MET: variants seen among roughly 807,000 people sequenced by gnomAD.
The protein encoded by MET is hepatocyte growth factor receptor.
MET carries 48 observed loss-of-function variants against 133.1 expected under a neutral mutation model. The observed-to-expected ratio is 0.36, with a 90% CI of 0.29 to 0.46. The LOEUF (loss-of-function observed/expected upper bound fraction) is 0.46. Ranked by LOEUF, MET falls within the 20% of genes least tolerant of loss-of-function variation. The pLI is 1.00. For missense variants in MET, 1,442 were observed against 1,695.9 expected (o/e 0.85, Z 2.63); for synonymous variants, 628 against 616.5 (o/e 1.02, Z -0.28).
chr7:116,727,016 T>C (rs1235967434), intron 2 of MET, among the ~76,000 whole-genome samples: 1 of 152,202 alleles, frequency 6.6e-6, no homozygotes, highest in Admixed American at 6.5e-5. Flanking sequence ...TGGTGATGAC[T>C]GAAATTTCAG....
At chr7:116,760,970 T>G (rs962462996) in intron 10 of MET, among the ~76,000 whole-genome samples, 1 of 152,172 alleles carries the variant, frequency 6.6e-6, no homozygotes, top group Non-Finnish European at 1.5e-5. Context: ...AGAATAATAG[T>G]GACCCTCTTT....
chr7:116,785,163 G>A (rs1286056026), intron 19 of MET, among the ~76,000 whole-genome samples: 4 of 152,220 alleles, frequency 2.6e-5, no homozygotes, highest in African/African-American at 9.6e-5. Flanking sequence ...CTGCTCCTGT[G>A]GCTCTACAGG....
chr7:116,755,539 T>A lies in MET; in HGVS notation c.1862+24T>A, dbSNP rs758246482. 3.1e-5 allele frequency: 50 copies of A among 1,613,740 alleles called. No homozygotes were observed. Among genetic ancestry groups the A allele is most frequent in the Non-Finnish European group, 4.1e-5 (48 of 1,179,860 alleles). ...ACGTAAGGATCTTAAAATGCTTTGC[T>A]GGGGTGTGCTTGGAAAATAGGTTTT... On this transcript the variant is annotated intron_variant, in intron 6 of 20. Coordinates refer to ENST00000397752, the MANE Select transcript of MET (RefSeq NM_000245.4).
intron 1 of MET, among the ~76,000 whole-genome samples, chr7:116,679,926 G>T (rs558318149): frequency 7.2e-5 from 11 of 152,304 alleles, no homozygotes; most frequent in African/African-American, 2.4e-4. Flanking sequence ...AAACTATCAT[G>T]CTAAAATATA....
At chr7:116,716,833 A>T (rs1792259056) in intron 2 of MET, among the ~76,000 whole-genome samples, 1 of 152,234 alleles carries the variant, frequency 6.6e-6, no homozygotes, top group Non-Finnish European at 1.5e-5. Flanking sequence ...ACCAGTGCTC[A>T]GCCCGTGGCT....
chr7:116,740,993 A>G lies in MET; in HGVS notation c.1669A>G (p.Thr557Ala), dbSNP rs374733251. 232 of 1,612,942 alleles carry G rather than the reference A, an allele frequency of 1.4e-4. 1 individual carries two copies. Among genetic ancestry groups the G allele is most frequent in the Non-Finnish European group, 1.9e-4 (221 of 1,179,920 alleles). Residue 557 changes from threonine (T) to alanine (A), a missense_variant, in exon 5 of 21, where the codon ACT becomes GCT. Physicochemically the swap from Thr to Ala is moderately conservative, Grantham distance 58 (BLOSUM62 0). Around this residue, in one of 6 missense-constraint regions of MET, gnomAD observed 762 missense variants for 792.4 expected, o/e 0.96. Transcript: ENST00000397752. ...GGAGGAATGCCTGAGCGGGACATGG[A>G]CTCAACAGATCTGTCTGCCTGCAAT... ...RSEECLSGTWTQQICLPAIYK... is the reference protein window; with the variant it reads ...RSEECLSGTWAQQICLPAIYK...
At chr7:116,766,149 A>C (rs1794620318) in intron 11 of MET, among the ~76,000 whole-genome samples, 1 of 152,168 alleles carries the variant, frequency 6.6e-6, no homozygotes, top group African/African-American at 2.4e-5. Flanking sequence ...TGAGTGTCTT[A>C]TTTCTGACTT....
In MET at chr7:116,699,918, A is replaced by G; in HGVS notation, c.834A>G (p.Ile278Met). ...TLDAQTFHTR[I>M]IRFCSINSGL... is the part of the protein sequence containing the mutation. ...ATGCTCAGACTTTTCACACAAGAATAATCAGGTTCTGTTCCATAAACTCTG... is the reference window on the plus strand; with the variant it reads ...ATGCTCAGACTTTTCACACAAGAATGATCAGGTTCTGTTCCATAAACTCTG... The change falls in exon 2 of 21, where the codon ATA becomes ATG. Residue 278 changes from isoleucine to methionine, a missense_variant. Transcript: ENST00000397752. 1 of 1,614,136 alleles carries G rather than the reference A, an allele frequency of 6.2e-7. No individual in the cohort carries two copies. The highest frequency in any genetic ancestry group is 8.5e-7 in the Non-Finnish European group (1 of 1,179,982).
intron 1 of MET, among the ~76,000 whole-genome samples, chr7:116,679,380 C>G (rs1389753853): frequency 6.6e-6 from 1 of 152,160 alleles, no homozygotes; most frequent in African/African-American, 2.4e-5. Flanking sequence ...TATTGAAATT[C>G]ATTTTGCACC....
intron 5 of MET, among the ~76,000 whole-genome samples, chr7:116,749,482 A>G (rs1172437377): frequency 6.6e-6 from 1 of 152,240 alleles, no homozygotes; most frequent in East Asian, 1.9e-4. Flanking sequence ...GCTATTTATG[A>G]TAAACCCACA....
At chr7:116,741,656 C>T (rs565227835) in intron 5 of MET, among the ~76,000 whole-genome samples, 1 of 152,246 alleles carries the variant, frequency 6.6e-6, no homozygotes, top group South Asian at 2.1e-4. Context: ...AGGGTCAACA[C>T]CCATGGGTGG....
chr7:116,700,233 G>A lies in MET; in HGVS notation c.1149G>A (p.Val383=), dbSNP rs1033586067. 6.2e-7 allele frequency: 1 copy of A among 1,601,460 alleles called. No individual in the cohort carries two copies. The highest frequency in any genetic ancestry group is 1.1e-5 in the South Asian group (1 of 87,802). ...FFNKIVNKNN[V]RCLQHFYGPN... is the part of the protein sequence containing the mutation. ...ACAAGATCGTCAACAAAAACAATGT[G>A]AGATGTCTCCAGCATTTTTACGGAC... The change falls in exon 2 of 21, where the codon GTG becomes GTA. Residue 383 remains valine, a synonymous_variant. Transcript: ENST00000397752.
intron 12 of MET, chr7:116,770,008 C>A: frequency 1.6e-6 from 1 of 631,332 alleles, no homozygotes; most frequent in Non-Finnish European, 2.8e-6. Context: ...TTCTTTCTAC[C>A]CACACTGCTT....
intron 6 of MET, among the ~76,000 whole-genome samples, chr7:116,756,726 G>A (rs955670792): frequency 2.6e-5 from 4 of 152,146 alleles, no homozygotes; most frequent in African/African-American, 7.2e-5. Context: ...CCACAGAAAT[G>A]TACCTGTTGA....
intron 17 of MET, among the ~76,000 whole-genome samples, 173 bp downstream of exon 17, chr7:116,779,130 C>T (rs1795079986): frequency 6.6e-6 from 1 of 152,182 alleles, no homozygotes; most frequent in Middle Eastern, 3.2e-3. Context: ...AATAGTGACA[C>T]CTGGAAGGGT....
rs1404157832 is a variant in MET at position 116,755,377 on chromosome 7, T to C, written c.1724T>C (p.Leu575Pro). The change falls in exon 6 of 21, where the codon CTT becomes CCT. Residue 575 changes from leucine (L) to proline (P), a missense_variant. Around this residue, in one of 6 missense-constraint regions of MET, gnomAD observed 762 missense variants for 792.4 expected, o/e 0.96. Transcript: ENST00000397752. Reference protein sequence around the residue: ...IYKVFPNSAPLEGGTRLTICG... With the variant: ...IYKVFPNSAPPEGGTRLTICG... Reference sequence around the variant, plus strand: ...TAGGTTTTCCCAAATAGTGCACCCCTTGAAGGAGGGACAAGGCTGACCATA... The same window carrying C: ...TAGGTTTTCCCAAATAGTGCACCCCCTGAAGGAGGGACAAGGCTGACCATA... 1 of 1,614,062 alleles carries C rather than the reference T, an allele frequency of 6.2e-7. No homozygotes were observed. Among genetic ancestry groups the C allele is most frequent in the Non-Finnish European group, 8.5e-7 (1 of 1,179,982 alleles).
At chr7:116,737,347 T>C (rs567207379) in intron 3 of MET, among the ~76,000 whole-genome samples, 2 of 152,348 alleles carry the variant, frequency 1.3e-5, no homozygotes, top group African/African-American at 2.4e-5. Flanking sequence ...GCAGCAAAAA[T>C]TACTGAAACA....
At chr7:116,733,412 T>A (rs1211521585) in intron 3 of MET, among the ~76,000 whole-genome samples, 1 of 152,122 alleles carries the variant, frequency 6.6e-6, no homozygotes, top group Admixed American at 6.6e-5. Context: ...AAGCTTTTTA[T>A]GATTACTTTA....
At chr7:116,781,853 C>CA in intron 17 of MET, 135 bp from the exon 18 acceptor site, 3 of 675,092 alleles carry the variant, frequency 4.4e-6, no homozygotes, top group Non-Finnish European at 7.8e-6. Context: ...TCTGGGATTA[C>CA]AGGCTTGAGC....
Sources: gnomAD v4.1 joint callset for allele counts (sites outside exome capture counted in the v4.1 genomes callset) on GRCh38, gnomAD v4.1.1 for gene constraint, gnomAD v4.1.1 regional missense constraint, MANE v1.5 for transcripts, NCBI Gene and HGNC (gene_info 2026-07-23, HGNC 2026-07-21) for gene names.